Variants in DGKB observed in about 807,000 individuals in gnomAD.
DGKB encodes the protein diacylglycerol kinase beta.
A neutral mutation model predicts 114.3 loss-of-function variants in DGKB; 67 were observed. That is an observed-to-expected ratio of 0.59 (90% CI 0.48 to 0.72). The LOEUF (loss-of-function observed/expected upper bound fraction) is 0.72, where lower values mean the gene tolerates loss of function less well. Ranked by LOEUF, DGKB falls within the 30% of genes least tolerant of loss-of-function variation. DGKB has a pLI of 0.00. For missense variants in DGKB, 907 were observed against 975.2 expected (o/e 0.93, Z 0.93); for synonymous variants, 398 against 323.1 (o/e 1.23, Z -2.49).
At chr7:14,879,465 A>T (rs1319890346) in intron 1 of DGKB, among the ~76,000 whole-genome samples, 1 of 152,158 alleles carries the variant, frequency 6.6e-6, no homozygotes, top group East Asian at 1.9e-4. Flanking sequence ...TTCATACGTT[A>T]TCTTGTCAGG....
chr7:14,933,775 G>A (rs1055128532), intron 1 of DGKB, among the ~76,000 whole-genome samples: 1 of 151,964 alleles, frequency 6.6e-6, no homozygotes, highest in Admixed American at 6.6e-5. Flanking sequence ...TTTATGTTTT[G>A]CTGCTCTTCG....
chr7:14,676,731 C>T (rs529581615), intron 12 of DGKB, among the ~76,000 whole-genome samples: 1 of 152,010 alleles, frequency 6.6e-6, no homozygotes, highest in Admixed American at 6.6e-5. Context: ...TAAAGATAAC[C>T]TATATCCCAA....
At chr7:14,383,373 A>G (rs1819793710) in intron 21 of DGKB, among the ~76,000 whole-genome samples, 1 of 152,246 alleles carries the variant, frequency 6.6e-6, no homozygotes, top group African/African-American at 2.4e-5. Flanking sequence ...TTAAACTTGT[A>G]GAGTATTGCA....
intron 20 of DGKB, among the ~76,000 whole-genome samples, chr7:14,562,460 G>C (rs1796805947): frequency 6.6e-6 from 1 of 152,178 alleles, no homozygotes; most frequent in Non-Finnish European, 1.5e-5. Context: ...ACCTTGCACT[G>C]GAAAAGTTGC....
chr7:14,914,935 TGAGCTTGAACACAG>T (rs1238769943), intron 1 of DGKB, among the ~76,000 whole-genome samples: 1 of 151,984 alleles, frequency 6.6e-6, no homozygotes, highest in African/African-American at 2.4e-5. Flanking sequence ...AGAGAATCAA[TGAGCTTGAACACAG>T]GAGGAAAATA....
intron 20 of DGKB, among the ~76,000 whole-genome samples, chr7:14,527,228 C>T (rs1346755963): frequency 1.3e-5 from 2 of 152,042 alleles, no homozygotes; most frequent in Non-Finnish European, 2.9e-5. Flanking sequence ...GATATGTATC[C>T]AATCATTAGT....
At chr7:14,411,092 G>T (rs1477919254) in intron 21 of DGKB, among the ~76,000 whole-genome samples, 1 of 152,048 alleles carries the variant, frequency 6.6e-6, no homozygotes, top group African/African-American at 2.4e-5. Context: ...CACACCATCG[G>T]GAGGGTAAAC....
chr7:14,316,293 C>G (rs2128519692), intron 23 of DGKB, among the ~76,000 whole-genome samples: 1 of 147,946 alleles, frequency 6.8e-6, no homozygotes, highest in South Asian at 2.2e-4. Flanking sequence ...CAGAGCAGAA[C>G]TGAAGGAAAT....
At chr7:14,876,772 C>G (rs958571361) in intron 1 of DGKB, among the ~76,000 whole-genome samples, 2 of 152,188 alleles carry the variant, frequency 1.3e-5, no homozygotes, top group Admixed American at 1.3e-4. Flanking sequence ...TATACCTCCT[C>G]AACTAACTAG....
chr7:14,392,924 T>A (rs1353214549), intron 21 of DGKB, among the ~76,000 whole-genome samples: 1 of 150,796 alleles, frequency 6.6e-6, no homozygotes, highest in African/African-American at 2.4e-5. Context: ...CTGTGCTACA[T>A]CAAAAGCATT....
rs528127576 is a variant in DGKB at position 14,366,956 on chromosome 7, C to G, written c.1836-21565G>C. On this transcript the variant is annotated intron_variant, in intron 21 of 25. Coordinates refer to ENST00000402815, the MANE Select transcript of DGKB (RefSeq NM_001350709.2). ...TGTAAGGACAATGGTCTCCAATTTA[C>G]ATGGCTCAACTTGTGATTTTCATAG... 2.6e-5 allele frequency among the ~76,000 whole-genome samples: 4 copies of G among 152,230 alleles called. No homozygotes were observed. In the South Asian group the frequency reaches 8.3e-4, roughly 32 times the overall value.
intron 4 of DGKB, among the ~76,000 whole-genome samples, chr7:14,745,880 T>C (rs1833210170): frequency 6.6e-6 from 1 of 152,242 alleles, no homozygotes. Flanking sequence ...CCTGCATCAC[T>C]GGCATTTCTC....
At chr7:14,955,791 T>C (rs1289461708) in intron 1 of DGKB, among the ~76,000 whole-genome samples, 1 of 152,072 alleles carries the variant, frequency 6.6e-6, no homozygotes, top group Non-Finnish European at 1.5e-5. Context: ...TCACAGATGA[T>C]ATGTGGAATC....
intron 20 of DGKB, among the ~76,000 whole-genome samples, chr7:14,527,126 G>C (rs1434576327): frequency 6.6e-6 from 1 of 152,094 alleles, no homozygotes; most frequent in African/African-American, 2.4e-5. Context: ...TGCATAGTTA[G>C]TCCAGTTGGG....
At chr7:14,487,192 A>G (rs1176111370) in intron 20 of DGKB, among the ~76,000 whole-genome samples, 1 of 152,204 alleles carries the variant, frequency 6.6e-6, no homozygotes, top group African/African-American at 2.4e-5. Flanking sequence ...CTTCCACCAC[A>G]TTAGACTGTT....
At chr7:14,360,448 G>GTATATATATATATATATATATATATATA (rs112459240) in intron 21 of DGKB, among the ~76,000 whole-genome samples, 32 of 146,930 alleles carry the variant, frequency 2.2e-4, no homozygotes, top group South Asian at 4.3e-4. Flanking sequence ...AGAACTTAAA[G>GTATATATATATATATATATATATATATA]TATATATATA....
intron 20 of DGKB, among the ~76,000 whole-genome samples, chr7:14,563,581 C>T (rs1329567387): frequency 1.3e-5 from 2 of 148,372 alleles, no homozygotes; most frequent in Non-Finnish European, 3.0e-5. Flanking sequence ...ATTTTCTTGA[C>T]CTCAATGAGT....
At chr7:14,682,910 T>G in intron 10 of DGKB, 69 bp from the exon 11 acceptor site, 1 of 1,087,344 alleles carries the variant, frequency 9.2e-7, no homozygotes. Context: ...AGAGAAAGAA[T>G]GACATTAACA....
intron 21 of DGKB, among the ~76,000 whole-genome samples, chr7:14,413,912 T>A (rs1825290903): frequency 6.6e-6 from 1 of 152,164 alleles, no homozygotes; most frequent in African/African-American, 2.4e-5. Flanking sequence ...AGAATTTGCT[T>A]CTTAATGGGA....
Sources: gnomAD v4.1 joint callset for allele counts (sites outside exome capture counted in the v4.1 genomes callset) on GRCh38, gnomAD v4.1.1 for gene constraint, MANE v1.5 for transcripts, NCBI Gene and HGNC (gene_info 2026-07-23, HGNC 2026-07-21) for gene names.